BACH2: variants seen among roughly 807,000 people sequenced by gnomAD.
BACH2 encodes the protein BACH transcriptional regulator 2, also known as transcription regulator protein BACH2.
Under a neutral mutation model 61.8 loss-of-function variants are expected in BACH2, and 5 were observed. The ratio of observed to expected loss-of-function variants is 0.08; its 90% CI spans 0.04 to 0.17. BACH2 has a LOEUF of 0.17. Among genes scored for constraint, BACH2 ranks in the 10% least tolerant of loss-of-function variants. The probability of loss-of-function intolerance (pLI) is 1.00; values close to 1 mark genes in which losing one functional copy is unlikely to be tolerated. For synonymous variants in BACH2, 446 were observed against 440.1 expected (o/e 1.01, Z -0.17); for missense variants, 824 against 1,091.1 (o/e 0.76, Z 3.45).
intron 6 of BACH2, among the ~76,000 whole-genome samples, chr6:89,966,597 C>G (rs1285795103): frequency 6.6e-6 from 1 of 152,230 alleles, no homozygotes; most frequent in East Asian, 1.9e-4. Flanking sequence ...CACTTCCCCT[C>G]CCTGCTTCTT....
intron 4 of BACH2, among the ~76,000 whole-genome samples, chr6:90,173,231 T>C (rs756330711): frequency 1.2e-4 from 19 of 152,044 alleles, no homozygotes; most frequent in Non-Finnish European, 2.5e-4. Context: ...ATAAATGCAT[T>C]AGTGCAATCA....
intron 6 of BACH2, among the ~76,000 whole-genome samples, chr6:90,003,702 G>A (rs1777254684): frequency 6.6e-6 from 1 of 152,198 alleles, no homozygotes; most frequent in Non-Finnish European, 1.5e-5. Flanking sequence ...GGTGCAGAGT[G>A]TGGTTTTCCC....
At chr6:90,017,183 C>T (rs1029574759) in intron 5 of BACH2, among the ~76,000 whole-genome samples, 4 of 151,858 alleles carry the variant, frequency 2.6e-5, no homozygotes, top group Non-Finnish European at 4.4e-5. Context: ...CTCACAAATG[C>T]CCATTTTTTT....
At chr6:90,258,161 T>G (rs1162421110) in intron 2 of BACH2, among the ~76,000 whole-genome samples, 1 of 152,230 alleles carries the variant, frequency 6.6e-6, no homozygotes, top group Non-Finnish European at 1.5e-5. Flanking sequence ...CAGGAGCTAT[T>G]CCCCTATGTT....
At chr6:90,254,246 C>T (rs1414652426) in intron 2 of BACH2, among the ~76,000 whole-genome samples, 1 of 150,850 alleles carries the variant, frequency 6.6e-6, no homozygotes, top group African/African-American at 2.4e-5. Flanking sequence ...ATAAATGATC[C>T]CTACAGACAG....
chr6:90,031,067 C>T (rs1288148820), intron 5 of BACH2, among the ~76,000 whole-genome samples: 1 of 151,130 alleles, frequency 6.6e-6, no homozygotes, highest in East Asian at 2.0e-4. Context: ...AATCAATAAA[C>T]ATAATCCAAC....
At position 89,950,895 on chromosome 6, in the gene BACH2, T is replaced by C. The variant is rs767537544; in HGVS notation, c.1211A>G (p.Asn404Ser). The C allele has an allele frequency of 6.2e-6, 10 of 1,600,486 alleles. No individual in the cohort carries two copies. Among genetic ancestry groups the C allele is most frequent in the African/African-American group, 4.0e-5 (3 of 74,638 alleles). Residue 404 changes from asparagine to serine, a missense_variant, in exon 7 of 9, where the codon AAC becomes AGC. This residue lies in a region of BACH2 where 226 missense variants were observed against 228.5 expected (regional missense o/e 0.99). Coordinates refer to ENST00000257749, the MANE Select transcript of BACH2 (RefSeq NM_021813.4). This position sits in a 1 kb window ranked among gnomAD's most constrained non-coding sequence, Gnocchi z 5.3. ...CCTGAGGGGCGACCCCATGGTGAAGTTGGACACCTCCTTCTGGCCCACGTG... is the reference window on the plus strand; with the variant it reads ...CCTGAGGGGCGACCCCATGGTGAAGCTGGACACCTCCTTCTGGCCCACGTG... ...QPHVGQKEVS[N>S]FTMGSPLRGP...
At chr6:89,989,671 C>T (rs920202123) in intron 6 of BACH2, among the ~76,000 whole-genome samples, 4 of 152,180 alleles carry the variant, frequency 2.6e-5, no homozygotes, top group Non-Finnish European at 5.9e-5. Context: ...CCCAAGTTGT[C>T]CCCATGTCAA....
chr6:90,106,144 A>G (rs754258763), intron 4 of BACH2, among the ~76,000 whole-genome samples: 3 of 152,242 alleles, frequency 2.0e-5, no homozygotes, highest in Non-Finnish European at 4.4e-5. Flanking sequence ...CAAAAAAGCT[A>G]GAACAATTCA....
At chr6:89,954,652 T>C (rs1357487948) in intron 6 of BACH2, among the ~76,000 whole-genome samples, 2 of 151,032 alleles carry the variant, frequency 1.3e-5, no homozygotes, top group Admixed American at 6.6e-5. Flanking sequence ...GTACTGGGAG[T>C]CACCCTCTGC....
At chr6:90,169,312 T>A (rs977784761) in intron 4 of BACH2, among the ~76,000 whole-genome samples, 3 of 152,200 alleles carry the variant, frequency 2.0e-5, no homozygotes, top group Non-Finnish European at 2.9e-5. Flanking sequence ...AATTTTTTAC[T>A]GTGAAGAAAA....
chr6:90,089,701 A>G (rs1782082039), intron 4 of BACH2, among the ~76,000 whole-genome samples: 1 of 152,154 alleles, frequency 6.6e-6, no homozygotes, highest in Non-Finnish European at 1.5e-5. Flanking sequence ...ACACCGATAA[A>G]TCACTAATGA....
intron 4 of BACH2, among the ~76,000 whole-genome samples, chr6:90,157,137 A>C (rs1251655511): frequency 6.6e-6 from 1 of 152,264 alleles, no homozygotes; most frequent in Non-Finnish European, 1.5e-5. Flanking sequence ...AGGTATGAAC[A>C]AAGTGCAGAG....
intron 4 of BACH2, among the ~76,000 whole-genome samples, chr6:90,153,414 AG>A (rs1784894272): frequency 6.6e-6 from 1 of 152,188 alleles, no homozygotes; most frequent in Non-Finnish European, 1.5e-5. Context: ...TTGTTGGGTA[AG>A]TTATATTCTG....
chr6:90,187,144 A>G (rs1768387750), intron 4 of BACH2, among the ~76,000 whole-genome samples: 2 of 152,240 alleles, frequency 1.3e-5, no homozygotes, highest in African/African-American at 2.4e-5. Flanking sequence ...CAAGTGTCTT[A>G]TTGAGAACAC....
chr6:90,223,326 A>C (rs1769803588), intron 3 of BACH2, among the ~76,000 whole-genome samples: 1 of 152,332 alleles, frequency 6.6e-6, no homozygotes, highest in South Asian at 2.1e-4. Flanking sequence ...AAAACAAATT[A>C]CAACAGAGCA....
intron 7 of BACH2, among the ~76,000 whole-genome samples, chr6:89,945,868 T>C (rs1171752546): frequency 6.6e-6 from 1 of 152,228 alleles, no homozygotes; most frequent in Non-Finnish European, 1.5e-5. Context: ...ATGGTGTGTA[T>C]ATTTAGGAAA....
intron 2 of BACH2, among the ~76,000 whole-genome samples, chr6:90,253,943 T>C (rs999331901): frequency 6.6e-6 from 1 of 152,206 alleles, no homozygotes; most frequent in East Asian, 1.9e-4. Flanking sequence ...AAAGAAGTCA[T>C]ATTCCAAAAG....
At chr6:90,124,859 G>GA (rs1419644611) in intron 4 of BACH2, among the ~76,000 whole-genome samples, 2 of 152,162 alleles carry the variant, frequency 1.3e-5, no homozygotes, top group African/African-American at 4.8e-5. Flanking sequence ...ACACCAGCAA[G>GA]AATGCCCAGT....
Sources: allele counts gnomAD v4.1 joint callset (sites outside exome capture counted in the v4.1 genomes callset), GRCh38; gene constraint gnomAD v4.1.1; regional missense constraint gnomAD v4.1.1; non-coding constraint Gnocchi (gnomAD v3.1); transcripts MANE v1.5; gene names NCBI Gene and HGNC (gene_info 2026-07-23, HGNC 2026-07-21).